The following ST6GALNAC3 variants were observed in gnomAD, a reference collection of about 807,000 sequenced individuals.
ST6GALNAC3 encodes ST6 N-acetylgalactosaminide alpha-2,6-sialyltransferase 3.
ST6GALNAC3 carries 25 observed loss-of-function variants against 32.7 expected under a neutral mutation model. The ratio of observed to expected loss-of-function variants is 0.76; its 90% CI spans 0.56 to 1.07. The LOEUF (loss-of-function observed/expected upper bound fraction) is 1.07. Ranked by LOEUF, ST6GALNAC3 falls within the 50% of genes least tolerant of loss-of-function variation. ST6GALNAC3 has a pLI of 0.00. For missense variants in ST6GALNAC3, 355 were observed against 382.4 expected (o/e 0.93, Z 0.60); for synonymous variants, 129 against 133.1 (o/e 0.97, Z 0.21).
At chr1:76,414,800 G>C (rs976144452) in intron 3 of ST6GALNAC3, among the ~76,000 whole-genome samples, 2 of 151,910 alleles carry the variant, frequency 1.3e-5, no homozygotes, top group African/African-American at 4.8e-5. Context: ...AAGATAAAAA[G>C]TCTTAAAATC....
chr1:76,208,251 A>G (rs1317373359), intron 1 of ST6GALNAC3, among the ~76,000 whole-genome samples: 1 of 152,258 alleles, frequency 6.6e-6, no homozygotes, highest in Non-Finnish European at 1.5e-5. Flanking sequence ...TATTGGGATG[A>G]TGCTATAACT....
intron 3 of ST6GALNAC3, among the ~76,000 whole-genome samples, chr1:76,565,289 C>T (rs1190940702): frequency 2.0e-5 from 3 of 152,192 alleles, no homozygotes; most frequent in Admixed American, 6.5e-5. Context: ...CTACACCACA[C>T]AGGCGTTAAA....
intron 2 of ST6GALNAC3, among the ~76,000 whole-genome samples, chr1:76,335,705 T>C (rs1381269853): frequency 6.6e-6 from 1 of 152,228 alleles, no homozygotes; most frequent in Non-Finnish European, 1.5e-5. Context: ...TTTTAGTATC[T>C]CCTTTTCCAA....
intron 1 of ST6GALNAC3, among the ~76,000 whole-genome samples, chr1:76,121,749 A>T (rs1332303301): frequency 6.6e-6 from 1 of 152,208 alleles, no homozygotes; most frequent in East Asian, 1.9e-4. Context: ...AGATCACACC[A>T]CTGCCCTGCA....
At chr1:76,252,687 G>A (rs974093102) in intron 1 of ST6GALNAC3, among the ~76,000 whole-genome samples, 1 of 152,062 alleles carries the variant, frequency 6.6e-6, no homozygotes, top group Non-Finnish European at 1.5e-5. Flanking sequence ...GTCCTTGGGG[G>A]TATTTAAGCA....
chr1:76,133,167 C>T (rs2100871842), intron 1 of ST6GALNAC3, among the ~76,000 whole-genome samples: 1 of 152,282 alleles, frequency 6.6e-6, no homozygotes, highest in Non-Finnish European at 1.5e-5. Context: ...GGCACACCAA[C>T]CAGGTAGCTT....
intron 1 of ST6GALNAC3, among the ~76,000 whole-genome samples, chr1:76,207,715 A>G (rs1034736097): frequency 2.6e-5 from 4 of 152,246 alleles, no homozygotes; most frequent in Non-Finnish European, 1.5e-5. Flanking sequence ...TTACTAAGGC[A>G]ATTCAATTTT....
intron 2 of ST6GALNAC3, among the ~76,000 whole-genome samples, chr1:76,374,896 C>T (rs1046704126): frequency 6.8e-6 from 1 of 146,552 alleles, no homozygotes; most frequent in African/African-American, 2.4e-5. Flanking sequence ...TTAGAAATAA[C>T]CAAAAAATGT....
chr1:76,174,893 C>A (rs1652754311), intron 1 of ST6GALNAC3, among the ~76,000 whole-genome samples: 1 of 152,032 alleles, frequency 6.6e-6, no homozygotes, highest in African/African-American at 2.4e-5. Flanking sequence ...GTCTTGAACA[C>A]CTGACCTCAA....
chr1:76,499,693 T>C (rs776210855), intron 3 of ST6GALNAC3, among the ~76,000 whole-genome samples: 24 of 152,134 alleles, frequency 1.6e-4, no homozygotes, highest in Middle Eastern at 3.2e-3. Flanking sequence ...TGTGCTATGC[T>C]AATAGAACCT....
Position 76,630,906 on chromosome 1 carries a change from CT to C in ST6GALNAC3, c.*2101del, listed in dbSNP as rs1177827997. On this transcript the variant is annotated 3_prime_UTR_variant, in exon 5 of 5. Transcript: ENST00000328299. ...ATTGCCATACAGACTGTTTTTCCCC[CT>C]GTTGTTTCACTTTAAAATAAAAAGA... The C allele has an allele frequency of 2.0e-6, 2 of 985,424 alleles. No individual in the cohort carries two copies. The highest frequency in any genetic ancestry group is 2.4e-6 in the Non-Finnish European group (2 of 829,776). 61.0% of individuals were successfully genotyped at this position (985,424 alleles called of 1,614,324 possible). A position where few individuals can be genotyped will look rare whatever the true frequency, so the allele number is the denominator to read the frequency against.
intron 3 of ST6GALNAC3, among the ~76,000 whole-genome samples, chr1:76,500,789 G>A (rs1312941659): frequency 2.0e-5 from 3 of 152,162 alleles, no homozygotes; most frequent in Non-Finnish European, 4.4e-5. Context: ...GATAATTTTA[G>A]CAGAGTAACC....
intron 3 of ST6GALNAC3, among the ~76,000 whole-genome samples, chr1:76,478,071 C>T (rs1036855953): frequency 1.3e-5 from 2 of 152,272 alleles, no homozygotes; most frequent in South Asian, 4.2e-4. Flanking sequence ...GAATGTAGGA[C>T]CTGCTCCTTA....
chr1:76,359,413 T>C (rs540680054), intron 2 of ST6GALNAC3, among the ~76,000 whole-genome samples: 1 of 152,288 alleles, frequency 6.6e-6, no homozygotes, highest in South Asian at 2.1e-4. Context: ...TCCTTATTTT[T>C]AAAAATATCA....
chr1:76,397,644 G>A (rs1454544768), intron 2 of ST6GALNAC3, among the ~76,000 whole-genome samples: 2 of 152,052 alleles, frequency 1.3e-5, no homozygotes, highest in Non-Finnish European at 2.9e-5. Flanking sequence ...AAAGTGCTGG[G>A]ATTACAGGCG....
chr1:76,220,583 C>T lies in ST6GALNAC3; in HGVS notation c.19-93222C>T, dbSNP rs111444537. ...AATCAGGCCATTATAATTTAGAGGA[C>T]AGTGTTTTGAGGGCACATGGCAGGA... On this transcript the variant is annotated intron_variant, in intron 1 of 4. Transcript: ENST00000328299. Among the ~76,000 whole-genome samples, 16 of 152,158 alleles carry T rather than the reference C, an allele frequency of 1.1e-4. No individual in the cohort carries two copies. The East Asian group carries it at 2.7e-3, about 26-fold the overall frequency.
chr1:76,100,547 A>T (rs1443403640), intron 1 of ST6GALNAC3, among the ~76,000 whole-genome samples: 3 of 152,196 alleles, frequency 2.0e-5, no homozygotes, highest in African/African-American at 7.2e-5. Flanking sequence ...GTCAAGATGG[A>T]TTAACATTTT....
chr1:76,630,948 A>T lies in ST6GALNAC3; in HGVS notation c.*2142A>T, dbSNP rs1224069377. ...AATAAAAAGAAATCCTTGATTAATC[A>T]GAATGGCTTGGGACATGAACTTAAT... On this transcript the variant is annotated 3_prime_UTR_variant, in exon 5 of 5. Coordinates refer to ENST00000328299, the MANE Select transcript of ST6GALNAC3 (RefSeq NM_152996.4). The T allele has an allele frequency of 4.1e-6, 4 of 985,486 alleles. No homozygotes were observed. The East Asian group carries it at 3.4e-4, about 84-fold the overall frequency. 61.0% of individuals were successfully genotyped at this position (985,486 alleles called of 1,614,324 possible). A position where few individuals can be genotyped will look rare whatever the true frequency, so the allele number is the denominator to read the frequency against.
intron 3 of ST6GALNAC3, among the ~76,000 whole-genome samples, chr1:76,600,200 A>G (rs1008918654): frequency 6.6e-6 from 1 of 152,222 alleles, no homozygotes; most frequent in East Asian, 1.9e-4. Context: ...TGAGGATACA[A>G]TAAGAGTCAC....
Sources: gnomAD v4.1 joint callset for allele counts (sites outside exome capture counted in the v4.1 genomes callset) on GRCh38, gnomAD v4.1.1 for gene constraint, MANE v1.5 for transcripts, NCBI Gene and HGNC (gene_info 2026-07-23, HGNC 2026-07-21) for gene names.